The following PDE3A variants were observed in gnomAD, a reference collection of about 807,000 sequenced individuals.
The protein encoded by PDE3A is phosphodiesterase 3A, also known as cGMP-inhibited 3',5'-cyclic phosphodiesterase 3A.
In PDE3A, 43 loss-of-function variants were observed where a neutral mutation model predicts 98.3. The observed-to-expected ratio is 0.44, with a 90% CI of 0.34 to 0.56. The LOEUF (loss-of-function observed/expected upper bound fraction) is 0.56. Among genes scored for constraint, PDE3A ranks in the 20% least tolerant of loss-of-function variants. PDE3A has a pLI of 0.01. For synonymous variants in PDE3A, 663 were observed against 567.9 expected (o/e 1.17, Z -2.38); for missense variants, 1,427 against 1,440.7 (o/e 0.99, Z 0.15).
intron 1 of PDE3A, among the ~76,000 whole-genome samples, chr12:20,533,877 G>C (rs1408368069): frequency 6.6e-6 from 1 of 152,044 alleles, no homozygotes; most frequent in African/African-American, 2.4e-5. Flanking sequence ...TAAATTCTTA[G>C]CCTGCCTTTC....
intron 2 of PDE3A, among the ~76,000 whole-genome samples, chr12:20,590,510 C>G (rs931131932): frequency 6.6e-6 from 1 of 151,060 alleles, no homozygotes; most frequent in Non-Finnish European, 1.5e-5. Context: ...TGTGGTGGCT[C>G]ACGCTTCTAA....
At chr12:20,610,349 T>C (rs1464019667) in intron 2 of PDE3A, among the ~76,000 whole-genome samples, 2 of 151,890 alleles carry the variant, frequency 1.3e-5, no homozygotes, top group Admixed American at 1.3e-4. Flanking sequence ...CTATAAGATA[T>C]CACTTCACTC....
At chr12:20,474,310 C>T (rs1319073688) in intron 1 of PDE3A, among the ~76,000 whole-genome samples, 2 of 152,134 alleles carry the variant, frequency 1.3e-5, no homozygotes, top group Admixed American at 6.5e-5. Flanking sequence ...GATTCCTTTA[C>T]ATATTTTCGA....
At chr12:20,466,512 G>A (rs537859191) in intron 1 of PDE3A, among the ~76,000 whole-genome samples, 7 of 152,130 alleles carry the variant, frequency 4.6e-5, no homozygotes, top group African/African-American at 1.4e-4. Flanking sequence ...TATAATGAGT[G>A]GTCATGAGTA....
At chr12:20,564,182 A>G (rs1041887868) in intron 2 of PDE3A, among the ~76,000 whole-genome samples, 1 of 152,234 alleles carries the variant, frequency 6.6e-6, no homozygotes, top group Admixed American at 6.5e-5. Flanking sequence ...GTCTCTACCT[A>G]GTAGAGGCCA....
At chr12:20,653,036 A>C (rs181354207) in intron 14 of PDE3A, among the ~76,000 whole-genome samples, 94 of 152,304 alleles carry the variant, frequency 6.2e-4, no homozygotes, top group Admixed American at 6.5e-4. Context: ...GTATAATAAT[A>C]CCACTTCTTA....
intron 2 of PDE3A, among the ~76,000 whole-genome samples, chr12:20,558,411 G>C (rs1295783782): frequency 6.6e-6 from 1 of 151,910 alleles, no homozygotes; most frequent in Non-Finnish European, 1.5e-5. Flanking sequence ...AAATCGGCTT[G>C]CATGAATTAC....
intron 15 of PDE3A, among the ~76,000 whole-genome samples, chr12:20,677,253 A>G (rs1945665006): frequency 6.6e-6 from 1 of 151,818 alleles, no homozygotes; most frequent in Admixed American, 6.6e-5. Flanking sequence ...TGTTTTTCTG[A>G]GTTGTAGTCT....
intron 1 of PDE3A, among the ~76,000 whole-genome samples, chr12:20,452,870 T>C (rs1448195006): frequency 1.3e-5 from 2 of 152,198 alleles, no homozygotes; most frequent in Admixed American, 1.3e-4. Flanking sequence ...GCTCAGACCA[T>C]GTTACCTTGA....
chr12:20,382,434 TTCA>T (rs1943678841), intron 1 of PDE3A, among the ~76,000 whole-genome samples: 1 of 151,948 alleles, frequency 6.6e-6, no homozygotes, highest in Non-Finnish European at 1.5e-5. Flanking sequence ...TCACTTTGAT[TTCA>T]TTTCTTTGAA....
At chr12:20,488,119 T>C (rs1945762860) in intron 1 of PDE3A, among the ~76,000 whole-genome samples, 1 of 152,098 alleles carries the variant, frequency 6.6e-6, no homozygotes, top group African/African-American at 2.4e-5. Flanking sequence ...TTCCTTGAGC[T>C]CTTTACTCTT....
intron 1 of PDE3A, among the ~76,000 whole-genome samples, chr12:20,537,929 T>A (rs34047692): frequency 0.078 from 11,904 of 151,800 alleles, 1,073 homozygotes; most frequent in African/African-American, 0.22. Context: ...GACTGAGACA[T>A]CCACAAGTTA....
At chr12:20,649,475 A>G (rs1944865504) in intron 13 of PDE3A, among the ~76,000 whole-genome samples, 1 of 152,068 alleles carries the variant, frequency 6.6e-6, no homozygotes, top group African/African-American at 2.4e-5. Flanking sequence ...TTTTTGTTTG[A>G]TTTAATTTGT....
intron 1 of PDE3A, among the ~76,000 whole-genome samples, chr12:20,383,734 C>T (rs564139444): frequency 6.6e-6 from 1 of 152,000 alleles, no homozygotes; most frequent in East Asian, 1.9e-4. Context: ...CATGGATTTC[C>T]ACTTTTGTGA....
At chr12:20,426,394 G>A (rs1005440026) in intron 1 of PDE3A, among the ~76,000 whole-genome samples, 2 of 152,104 alleles carry the variant, frequency 1.3e-5, no homozygotes, top group South Asian at 2.1e-4. Context: ...AAACCCTGAA[G>A]AATTCCTTAG....
At chr12:20,395,726 A>G (rs1056233602) in intron 1 of PDE3A, among the ~76,000 whole-genome samples, 1 of 149,984 alleles carries the variant, frequency 6.7e-6, no homozygotes, top group African/African-American at 2.4e-5. Context: ...GCACAGTAAC[A>G]TAGGTATATA....
intron 3 of PDE3A, among the ~76,000 whole-genome samples, chr12:20,614,157 A>ACG (rs1308753062): frequency 5.4e-3 from 33 of 6,104 alleles, no homozygotes; most frequent in Non-Finnish European, 6.6e-3. Flanking sequence ...ACTTTCCAAT[A>ACG]CACAGTTTTG....
chr12:20,564,124 C>A (rs1942597878), intron 2 of PDE3A, among the ~76,000 whole-genome samples: 1 of 152,068 alleles, frequency 6.6e-6, no homozygotes, highest in Non-Finnish European at 1.5e-5. Flanking sequence ...AACAGTGTTT[C>A]TCTTTAACAA....
At chr12:20,425,382 T>C (rs571946726) in intron 1 of PDE3A, among the ~76,000 whole-genome samples, 1 of 152,304 alleles carries the variant, frequency 6.6e-6, no homozygotes, top group Non-Finnish European at 1.5e-5. Context: ...AGAGAATATT[T>C]CACCTTTCAA....
Sources: gnomAD v4.1 joint callset for allele counts (sites outside exome capture counted in the v4.1 genomes callset) on GRCh38, gnomAD v4.1.1 for gene constraint, MANE v1.5 for transcripts, NCBI Gene and HGNC (gene_info 2026-07-23, HGNC 2026-07-21) for gene names.